Variants in APBB2 observed in about 807,000 individuals in gnomAD.
APBB2 encodes Fe65-like 1.
Under a neutral mutation model 82.5 loss-of-function variants are expected in APBB2, and 38 were observed. The observed-to-expected ratio is 0.46, with a 90% CI of 0.36 to 0.60. The LOEUF (loss-of-function observed/expected upper bound fraction) is 0.60. Ranked by LOEUF, APBB2 falls within the 20% of genes least tolerant of loss-of-function variation. The pLI is 0.00. For missense variants in APBB2, 772 were observed against 972.3 expected (o/e 0.79, Z 2.74); for synonymous variants, 341 against 368.2 (o/e 0.93, Z 0.85).
chr4:40,843,723 C>T (rs1301336673), intron 12 of APBB2, among the ~76,000 whole-genome samples: 1 of 152,226 alleles, frequency 6.6e-6, no homozygotes, highest in Non-Finnish European at 1.5e-5. Context: ...ATTACAGTAA[C>T]ACCAGCCACC....
At chr4:40,845,823 C>T (rs1757376007) in intron 12 of APBB2, among the ~76,000 whole-genome samples, 1 of 152,086 alleles carries the variant, frequency 6.6e-6, no homozygotes, top group African/African-American at 2.4e-5. Flanking sequence ...GTTTGTCTTT[C>T]ATCACTGGCC....
intron 10 of APBB2, among the ~76,000 whole-genome samples, chr4:40,899,604 T>G (rs1774688532): frequency 6.6e-6 from 1 of 152,226 alleles, no homozygotes; most frequent in Non-Finnish European, 1.5e-5. Flanking sequence ...GATAAGGAAA[T>G]GAAGAAGGGC....
chr4:40,819,594 A>G, intron 17 of APBB2, among the ~76,000 whole-genome samples: 1 of 152,104 alleles, frequency 6.6e-6, no homozygotes, highest in African/African-American at 2.4e-5. Context: ...TGGGGAATAT[A>G]GCAAGATCCC....
At chr4:40,821,477 C>T (rs910367338) in intron 17 of APBB2, among the ~76,000 whole-genome samples, 19 of 152,138 alleles carry the variant, frequency 1.2e-4, no homozygotes, top group Non-Finnish European at 2.2e-4. Flanking sequence ...TATATAAGAA[C>T]GGTGTACAGA....
chr4:40,848,588 A>G (rs1758350449), intron 12 of APBB2, among the ~76,000 whole-genome samples: 1 of 152,068 alleles, frequency 6.6e-6, no homozygotes, highest in Non-Finnish European at 1.5e-5. Context: ...TTTTGGTTCC[A>G]CCACTGCTGG....
At chr4:41,199,879 C>G (rs1165970901) in intron 1 of APBB2, among the ~76,000 whole-genome samples, 2 of 152,172 alleles carry the variant, frequency 1.3e-5, no homozygotes, top group Non-Finnish European at 2.9e-5. Context: ...GAAATACATT[C>G]ACCATGCACT....
chr4:41,210,065 C>T (rs1778951821), intron 1 of APBB2, among the ~76,000 whole-genome samples: 1 of 152,156 alleles, frequency 6.6e-6, no homozygotes, highest in Non-Finnish European at 1.5e-5. Context: ...GGTTCACAGT[C>T]CTGTGAGAAT....
At chr4:41,082,206 T>C (rs551480837) in intron 3 of APBB2, among the ~76,000 whole-genome samples, 1 of 152,330 alleles carries the variant, frequency 6.6e-6, no homozygotes, top group Admixed American at 6.5e-5. Flanking sequence ...TGTCCACACC[T>C]CATAACTTAA....
At chr4:40,911,672 C>T (rs1429001475) in intron 10 of APBB2, among the ~76,000 whole-genome samples, 6 of 152,154 alleles carry the variant, frequency 3.9e-5, no homozygotes, top group Admixed American at 3.9e-4. Flanking sequence ...GACTGGAGCC[C>T]ATATCCAAGG....
intron 10 of APBB2, among the ~76,000 whole-genome samples, chr4:40,927,396 A>G (rs1444951027): frequency 6.6e-6 from 1 of 152,098 alleles, no homozygotes; most frequent in African/African-American, 2.4e-5. Flanking sequence ...TCTATGACTC[A>G]TTTTTCTCAC....
At position 41,063,436 on chromosome 4, in the gene APBB2, C is replaced by T. The variant is rs185020469; in HGVS notation, c.-51+2140G>A. Among the ~76,000 whole-genome samples the T allele has an allele frequency of 2.7e-3, 418 of 152,314 alleles. 1 individual carries two copies. The highest frequency in any genetic ancestry group is 8.0e-3 in the African/African-American group (333 of 41,566). ...GTAAACTTTTTTCTGATGATGCTCA[C>T]TATGAAAATTGATAATTTCAGAGTA... On this transcript the variant is annotated intron_variant, in intron 4 of 17. Transcript: ENST00000508593.
At chr4:41,088,704 G>T (rs1560721034) in intron 3 of APBB2, among the ~76,000 whole-genome samples, 2 of 152,214 alleles carry the variant, frequency 1.3e-5, no homozygotes, top group Non-Finnish European at 2.9e-5. Context: ...CTGGTAGAGG[G>T]CCCAGTGAGG....
intron 12 of APBB2, chr4:40,881,269 C>CA: frequency 1.0e-6 from 1 of 985,008 alleles, no homozygotes; most frequent in Non-Finnish European, 1.2e-6. Context: ...CTCCCTGAGG[C>CA]AAGACAGCAC....
intron 12 of APBB2, among the ~76,000 whole-genome samples, chr4:40,844,412 T>A (rs1453887437): frequency 1.3e-5 from 2 of 152,210 alleles, no homozygotes; most frequent in Admixed American, 1.3e-4. Flanking sequence ...GTAACAAAGC[T>A]GCAATAACCT....
At chr4:40,937,278 CCCTAT>C (rs1378125622) in intron 7 of APBB2, among the ~76,000 whole-genome samples, 2 of 152,104 alleles carry the variant, frequency 1.3e-5, no homozygotes, top group African/African-American at 4.8e-5. Flanking sequence ...CCCCAAGGGA[CCCTAT>C]ATGTTGAGGC....
chr4:41,080,464 C>T (rs908895111), intron 3 of APBB2, among the ~76,000 whole-genome samples: 1 of 152,090 alleles, frequency 6.6e-6, no homozygotes, highest in Non-Finnish European at 1.5e-5. Context: ...AAACTGAGGA[C>T]GGCTTTCATG....
chr4:41,090,038 C>T (rs1741156144), intron 3 of APBB2, among the ~76,000 whole-genome samples: 1 of 151,830 alleles, frequency 6.6e-6, no homozygotes, highest in African/African-American at 2.4e-5. Flanking sequence ...GTAAAAAAAC[C>T]CAAACATAAA....
intron 10 of APBB2, among the ~76,000 whole-genome samples, chr4:40,930,420 AGTGTGTGTGT>A (rs566261600): frequency 1.7e-4 from 25 of 145,890 alleles, no homozygotes; most frequent in African/African-American, 6.4e-4. Context: ...TCTTTGGGGA[AGTGTGTGTGT>A]GTGTGTGTGT....
chr4:41,208,360 C>A (rs1055863731), intron 1 of APBB2, among the ~76,000 whole-genome samples: 2 of 152,216 alleles, frequency 1.3e-5, no homozygotes, highest in African/African-American at 4.8e-5. Flanking sequence ...CTCCTGGGTT[C>A]AAGCGATTCT....
Sources: allele counts gnomAD v4.1 joint callset (sites outside exome capture counted in the v4.1 genomes callset), GRCh38; gene constraint gnomAD v4.1.1; transcripts MANE v1.5; gene names NCBI Gene and HGNC (gene_info 2026-07-23, HGNC 2026-07-21).